The following HRH4 variants were observed in gnomAD, a reference collection of about 807,000 sequenced individuals.
HRH4 encodes histamine H4 receptor.
Under a neutral mutation model 10.4 loss-of-function variants are expected in HRH4, and 12 were observed. The observed-to-expected ratio is 1.15, with a 90% confidence interval of 0.74 to 1.87. HRH4 has a LOEUF of 1.87. Ranked by LOEUF, HRH4 falls within the 40% of genes most tolerant of loss-of-function variation. HRH4 has a pLI of 0.00. For missense variants in HRH4, 415 were observed against 453.3 expected (o/e 0.92, Z 0.77); for synonymous variants, 154 against 166.6 (o/e 0.92, Z 0.58).
intron 2 of HRH4, among the ~76,000 whole-genome samples, chr18:24,469,950 T>A (rs530869307): frequency 6.6e-6 from 1 of 152,246 alleles, no homozygotes; most frequent in South Asian, 2.1e-4. Context: ...GTATCTATTG[T>A]TTCTTTTTTT....
intron 2 of HRH4, 119 bp from the exon 3 acceptor site, chr18:24,476,628 C>T: frequency 1.4e-6 from 1 of 736,496 alleles, no homozygotes. Flanking sequence ...CATCGTGATA[C>T]CCAGGTTAGT....
chr18:24,473,674 T>G (rs1180062872), intron 2 of HRH4, among the ~76,000 whole-genome samples: 5 of 152,188 alleles, frequency 3.3e-5, no homozygotes, highest in South Asian at 4.1e-4. Context: ...TATTTCCAAA[T>G]AAGGTCACAT....
intron 1 of HRH4, among the ~76,000 whole-genome samples, chr18:24,465,035 C>G: frequency 6.6e-6 from 1 of 151,948 alleles, no homozygotes; most frequent in East Asian, 1.9e-4. Context: ...ATCTGTAATC[C>G]CAGCACTTTG....
chr18:24,464,367 G>A (rs1331870848), intron 1 of HRH4, among the ~76,000 whole-genome samples: 1 of 152,078 alleles, frequency 6.6e-6, no homozygotes, highest in African/African-American at 2.4e-5. Flanking sequence ...CCTCTTATAA[G>A]CACACTATTG....
intron 1 of HRH4, among the ~76,000 whole-genome samples, chr18:24,466,805 A>G (rs1909788839): frequency 6.6e-6 from 1 of 152,232 alleles, no homozygotes; most frequent in African/African-American, 2.4e-5. Context: ...TAACTCAACA[A>G]AGTAAGATTT....
At chr18:24,468,653 C>G (rs748995607) in intron 1 of HRH4, 135 bp from the exon 2 acceptor site, 84 of 832,444 alleles carry the variant, frequency 1.0e-4, no homozygotes, top group Non-Finnish European at 1.5e-4. Context: ...GATGAAATAC[C>G]GTGAATTTCT....
At chr18:24,471,322 C>T (rs1909944221) in intron 2 of HRH4, among the ~76,000 whole-genome samples, 1 of 150,712 alleles carries the variant, frequency 6.6e-6, no homozygotes, top group South Asian at 2.1e-4. Flanking sequence ...CAGAATAGAA[C>T]AGCTGAGCAT....
chr18:24,461,459 CATT>C (rs1006815345), intron 1 of HRH4, among the ~76,000 whole-genome samples: 1 of 152,058 alleles, frequency 6.6e-6, no homozygotes, highest in African/African-American at 2.4e-5. Flanking sequence ...GATATCATAG[CATT>C]ATATCATCGT....
In HRH4 at chr18:24,477,475, C is replaced by G; in HGVS notation, c.1086C>G (p.His362Gln). 1 of 1,612,572 alleles carries G rather than the reference C, an allele frequency of 6.2e-7. No individual in the cohort carries two copies. The highest frequency in any genetic ancestry group is 8.5e-7 in the Non-Finnish European group (1 of 1,179,420). ...ATCCTCTTTTGTATCCATTGTGTCA[C>G]AAGCGCTTTCAAAAGGCTTTCTTGA... ...FVNPLLYPLCHKRFQKAFLKI... is the reference protein window; with the variant it reads ...FVNPLLYPLCQKRFQKAFLKI... Residue 362 changes from histidine (H) to glutamine (Q), a missense_variant, in exon 3 of 3, where the codon CAC becomes CAG. By Grantham distance (24) the His-to-Gln change is conservative. Transcript: ENST00000256906.
At position 24,477,503 on chromosome 18, in the gene HRH4, A is replaced by G; in HGVS notation, c.1114A>G (p.Ile372Val). 6.2e-7 allele frequency: 1 copy of G among 1,607,732 alleles called. No individual in the cohort carries two copies. Among genetic ancestry groups the G allele is most frequent in the Non-Finnish European group, 8.5e-7 (1 of 1,176,914 alleles). Reference sequence around the variant, plus strand: ...GCGCTTTCAAAAGGCTTTCTTGAAAATATTTTGTATAAAAAAGCAACCTCT... The same window carrying G: ...GCGCTTTCAAAAGGCTTTCTTGAAAGTATTTTGTATAAAAAAGCAACCTCT... ...HKRFQKAFLKIFCIKKQPLPS... is the reference protein window; with the variant it reads ...HKRFQKAFLKVFCIKKQPLPS... The change falls in exon 3 of 3, where the codon ATA (isoleucine) becomes GTA (valine). Residue 372 changes from isoleucine to valine, a missense_variant. Transcript: ENST00000256906.
At chr18:24,466,298 T>TTC (rs1159891850) in intron 1 of HRH4, among the ~76,000 whole-genome samples, 1 of 149,536 alleles carries the variant, frequency 6.7e-6, no homozygotes, top group Non-Finnish European at 1.5e-5. Flanking sequence ...TTTTTTTTTT[T>TTC]TTTTTGTAGA....
intron 2 of HRH4, among the ~76,000 whole-genome samples, chr18:24,472,159 C>T (rs1252376683): frequency 3.3e-5 from 5 of 152,224 alleles, no homozygotes; most frequent in African/African-American, 9.6e-5. Context: ...CATTCTTGTG[C>T]CTCAGCCTCC....
intron 1 of HRH4, among the ~76,000 whole-genome samples, chr18:24,461,764 CTTTT>C (rs34478102): frequency 2.1e-5 from 3 of 140,964 alleles, no homozygotes; most frequent in Non-Finnish European, 4.7e-5. Context: ...TGTTAGTTCT[CTTTT>C]TTTTTTTTTT....
rs1910120258 is a variant in HRH4, at chr18:24,475,908, T to C, written c.358-839T>C. Among the ~76,000 whole-genome samples, 3 of 152,214 alleles carry C rather than the reference T, an allele frequency of 2.0e-5. No individual in the cohort carries two copies. The South Asian group carries it at 6.2e-4, about 32-fold the overall frequency. On this transcript the variant is annotated intron_variant, in intron 2 of 2. Transcript: ENST00000256906. ...CTGTAATCCCAGCTATTCAAAAGGC[T>C]GAGGCAGGAGAATTGCTTGAACGTG...
intron 1 of HRH4, among the ~76,000 whole-genome samples, chr18:24,466,953 G>C (rs1909793476): frequency 6.6e-6 from 1 of 152,216 alleles, no homozygotes; most frequent in African/African-American, 2.4e-5. Flanking sequence ...CAGTTTCTAT[G>C]CTGGGCTGAA....
intron 2 of HRH4, among the ~76,000 whole-genome samples, chr18:24,470,443 C>G (rs1361262174): frequency 6.6e-6 from 1 of 151,830 alleles, no homozygotes; most frequent in Non-Finnish European, 1.5e-5. Context: ...GTGTACTTGG[C>G]TCTGTTCCAA....
chr18:24,477,059 T>G lies in HRH4; in HGVS notation c.670T>G (p.Cys224Gly), dbSNP rs1910159739. The change falls in exon 3 of 3, where the codon TGT becomes GGT. Residue 224 changes from cysteine to glycine, a missense_variant. Cys to Gly is a radical substitution (Grantham distance 159). Transcript: ENST00000256906. The stretch of plus-strand genomic sequence containing the variant: ...ACTGACTGCTGTCTCTTCCAACATC[T>G]GTGGACACTCATTCAGAGGTAGACT... ...PGLTAVSSNI[C>G]GHSFRGRLSS... 1 of 1,614,130 alleles carries G rather than the reference T, an allele frequency of 6.2e-7. No individual in the cohort carries two copies. The highest frequency in any genetic ancestry group is 8.5e-7 in the Non-Finnish European group (1 of 1,180,054).
rs967205366 is a variant in HRH4, at chr18:24,479,173, C to T, written c.*1611C>T. On this transcript the variant is annotated 3_prime_UTR_variant, in exon 3 of 3. Coordinates refer to ENST00000256906, the MANE Select transcript of HRH4 (RefSeq NM_021624.4). ...TAATTTTGATAAGACAGGGTATTGC[C>T]GTGTTGGCCAGACTGGTCTCAAACT... 6.6e-5 allele frequency: 10 copies of T among 151,714 alleles called. No individual in the cohort carries two copies. The highest frequency in any genetic ancestry group is 2.0e-4 in the Admixed American group (3 of 15,226). The allele number at this position is 151,714 out of a possible 1,614,324, so 9.4% of individuals were successfully genotyped here.
At position 24,479,197 on chromosome 18, in the gene HRH4, C is replaced by G. The variant is rs1910240061; in HGVS notation, c.*1635C>G. On this transcript the variant is annotated 3_prime_UTR_variant, in exon 3 of 3. Coordinates refer to ENST00000256906, the MANE Select transcript of HRH4 (RefSeq NM_021624.4). The stretch of plus-strand genomic sequence containing the variant: ...CCGTGTTGGCCAGACTGGTCTCAAA[C>G]TCCTGGGCTGAAACAATCCTCCCGC... The G allele has an allele frequency of 6.6e-6, 1 of 151,910 alleles. No homozygotes were observed. The highest frequency in any genetic ancestry group is 1.5e-5 in the Non-Finnish European group (1 of 68,004). 9.4% of individuals were successfully genotyped at this position (151,910 alleles called of 1,614,324 possible).
Sources: allele counts gnomAD v4.1 joint callset (sites outside exome capture counted in the v4.1 genomes callset), GRCh38; gene constraint gnomAD v4.1.1; transcripts MANE v1.5; gene names NCBI Gene and HGNC (gene_info 2026-07-23, HGNC 2026-07-21).